The following SCLT1 variants were observed in gnomAD, a reference collection of about 807,000 sequenced individuals.
The protein encoded by SCLT1 is sodium channel-associated protein 1.
In SCLT1, 78 loss-of-function variants were observed where a neutral mutation model predicts 112.8. The ratio of observed to expected loss-of-function variants is 0.69; its 90% confidence interval spans 0.58 to 0.83. The LOEUF (loss-of-function observed/expected upper bound fraction) is 0.83. Among genes scored for constraint, SCLT1 ranks in the 40% least tolerant of loss-of-function variants. The probability of loss-of-function intolerance (pLI) is 0.00; values close to 1 mark genes in which losing one functional copy is unlikely to be tolerated. For synonymous variants in SCLT1, 257 were observed against 254.7 expected (o/e 1.01, Z -0.09); for missense variants, 747 against 770.4 (o/e 0.97, Z 0.36).
intron 10 of SCLT1, among the ~76,000 whole-genome samples, chr4:128,966,828 A>G (rs1378276403): frequency 6.7e-6 from 1 of 150,202 alleles, no homozygotes; most frequent in African/African-American, 2.4e-5. Context: ...TTATTCTAAT[A>G]CTTTGTTTCC....
chr4:128,926,959 T>C (rs1736348094), intron 18 of SCLT1, among the ~76,000 whole-genome samples: 1 of 151,640 alleles, frequency 6.6e-6, no homozygotes, highest in Non-Finnish European at 1.5e-5. Context: ...GTAATTAATT[T>C]CCAAATATTG....
At chr4:128,933,727 T>C (rs773134991) in intron 18 of SCLT1, among the ~76,000 whole-genome samples, 1 of 152,152 alleles carries the variant, frequency 6.6e-6, no homozygotes, top group Non-Finnish European at 1.5e-5. Context: ...TAAACTCTTA[T>C]TTCCAATTCC....
intron 19 of SCLT1, 95 bp downstream of exon 19, chr4:128,890,964 G>T: frequency 2.5e-6 from 2 of 786,310 alleles, no homozygotes; most frequent in Non-Finnish European, 4.3e-6. Context: ...TTATTTCCAA[G>T]TAGAGAAATA....
intron 5 of SCLT1, 52 bp from the exon 6 acceptor site, chr4:129,003,928 A>G: frequency 6.4e-7 from 1 of 1,558,086 alleles, no homozygotes; most frequent in Non-Finnish European, 8.8e-7. Flanking sequence ...CGTAACAGTA[A>G]TTACTGTTTC....
chr4:128,887,534 T>C (rs1042987257), intron 20 of SCLT1, among the ~76,000 whole-genome samples: 1 of 152,140 alleles, frequency 6.6e-6, no homozygotes, highest in Admixed American at 6.5e-5. Context: ...TATAAGCAAA[T>C]ATAATTAATA....
chr4:128,889,712 CT>C (rs1403787250), intron 19 of SCLT1, among the ~76,000 whole-genome samples: 1 of 152,190 alleles, frequency 6.6e-6, no homozygotes, highest in Non-Finnish European at 1.5e-5. Context: ...GATTAGCTCT[CT>C]CCACACTTAC....
chr4:129,000,946 C>T lies in SCLT1; in HGVS notation c.427-1152G>A, dbSNP rs140552747. Among the ~76,000 whole-genome samples the T allele has an allele frequency of 2.2e-4, 33 of 148,912 alleles. No homozygotes were observed. The East Asian group carries it at 6.5e-3, about 29-fold the overall frequency. ...CACCATAGATTAGTTTTGTCTAAAA[C>T]TTAAAAAAAAAAACAAAAACTGTAG... On this transcript the variant is annotated intron_variant, in intron 6 of 20. Coordinates refer to ENST00000281142, the MANE Select transcript of SCLT1 (RefSeq NM_144643.4).
intron 5 of SCLT1, among the ~76,000 whole-genome samples, chr4:129,015,304 T>C (rs1744892328): frequency 6.6e-6 from 1 of 152,030 alleles, no homozygotes. Context: ...GTATGGTTAT[T>C]GGGACCACTC....
Position 129,093,175 on chromosome 4 carries a change from G to A in SCLT1, c.-72C>T. Reference sequence around the variant, plus strand: ...TGAAAGACAGAGAGCTTGCTGTGCGGGAAAACAAAACTAAGCCAACGCTCG... The same window carrying A: ...TGAAAGACAGAGAGCTTGCTGTGCGAGAAAACAAAACTAAGCCAACGCTCG... On this transcript the variant is annotated 5_prime_UTR_variant, in exon 1 of 21. Transcript: ENST00000281142. The A allele has an allele frequency of 6.8e-7, 1 of 1,463,890 alleles. No homozygotes were observed. The highest frequency in any genetic ancestry group is 9.6e-7 in the Non-Finnish European group (1 of 1,044,396). The allele number at this position is 1,463,890 out of a possible 1,614,324, so 90.7% of individuals were successfully genotyped here.
intron 13 of SCLT1, among the ~76,000 whole-genome samples, chr4:128,953,819 CA>C (rs150640505): frequency 4.2e-5 from 6 of 144,496 alleles, no homozygotes; most frequent in East Asian, 2.0e-4. Flanking sequence ...AACAAAAAAA[CA>C]AAAAAAAAAC....
intron 18 of SCLT1, among the ~76,000 whole-genome samples, chr4:128,909,852 T>A (rs990593900): frequency 6.6e-6 from 1 of 152,064 alleles, no homozygotes; most frequent in South Asian, 2.1e-4. Flanking sequence ...GCAGATAAAA[T>A]ATGGCAGAGA....
At chr4:128,977,470 G>A (rs769813468) in intron 9 of SCLT1, among the ~76,000 whole-genome samples, 14 of 152,174 alleles carry the variant, frequency 9.2e-5, no homozygotes, top group Non-Finnish European at 1.5e-4. Flanking sequence ...ATATTGTAAT[G>A]GAGGGAGACA....
chr4:129,015,831 C>G (rs1045812798), intron 5 of SCLT1, among the ~76,000 whole-genome samples: 1 of 152,090 alleles, frequency 6.6e-6, no homozygotes. Flanking sequence ...CTGTGTCTTC[C>G]CTCCATCCAC....
chr4:128,944,518 G>A (rs1041268245), intron 16 of SCLT1: 6 of 152,048 alleles, frequency 3.9e-5, no homozygotes, highest in Non-Finnish European at 8.8e-5. Flanking sequence ...ACATTACTAA[G>A]AACTCAGTTT....
At chr4:128,960,176 T>C (rs1947269) in intron 11 of SCLT1, among the ~76,000 whole-genome samples, 112,827 of 152,008 alleles carry the variant, frequency 0.74, 43,056 homozygotes, top group African/African-American at 0.93. Flanking sequence ...CTCTTTTCTC[T>C]CCTTTCATAC....
At chr4:128,946,239 A>G (rs1433229276) in intron 15 of SCLT1, 87 bp from the exon 16 acceptor site, 1 of 812,592 alleles carries the variant, frequency 1.2e-6, no homozygotes, top group East Asian at 2.6e-5. Context: ...TGGAAGAAAT[A>G]AAAAGCCATG....
chr4:129,051,756 T>C (rs1048428302), intron 2 of SCLT1, among the ~76,000 whole-genome samples: 1 of 152,114 alleles, frequency 6.6e-6, no homozygotes, highest in Non-Finnish European at 1.5e-5. Flanking sequence ...GAACTTCCAA[T>C]ACTATGTTGA....
chr4:128,894,349 T>G (rs1733563700), intron 18 of SCLT1, among the ~76,000 whole-genome samples: 1 of 146,206 alleles, frequency 6.8e-6, no homozygotes. Flanking sequence ...ATAATGAAAG[T>G]TCATTGAGTA....
chr4:128,996,737 C>T (rs1302305909), intron 8 of SCLT1, among the ~76,000 whole-genome samples: 2 of 151,990 alleles, frequency 1.3e-5, no homozygotes, highest in Non-Finnish European at 2.9e-5. Context: ...TATCAGTTTT[C>T]TCGTATCCAG....
Sources: gnomAD v4.1 joint callset for allele counts (sites outside exome capture counted in the v4.1 genomes callset) on GRCh38, gnomAD v4.1.1 for gene constraint, MANE v1.5 for transcripts, NCBI Gene and HGNC (gene_info 2026-07-23, HGNC 2026-07-21) for gene names.